Variants in GSK3B observed in about 807,000 individuals in gnomAD.
GSK3B encodes the protein glycogen synthase kinase-3 beta.
Under a neutral mutation model 56.4 loss-of-function variants are expected in GSK3B, and 15 were observed. That is an observed-to-expected ratio of 0.27 (90% CI 0.18 to 0.41). GSK3B has a LOEUF of 0.41. GSK3B is among the 10% of genes least tolerant of loss of function. The pLI is 1.00. For synonymous variants in GSK3B, 181 were observed against 188.9 expected (o/e 0.96, Z 0.34); for missense variants, 300 against 513.4 (o/e 0.58, Z 4.02).
rs2055805424 is a variant in GSK3B, at chr3:119,843,303, G to A, written c.1147C>T (p.Arg383Trp). The A allele has an allele frequency of 1.9e-6, 3 of 1,611,010 alleles. No individual in the cohort carries two copies. The highest frequency in any genetic ancestry group is 2.5e-6 in the Non-Finnish European group (3 of 1,177,862). Residue 383 changes from arginine (R) to tryptophan (W), a missense_variant, in exon 10 of 11, where the codon CGG becomes TGG. Arg to Trp is a moderately radical substitution (Grantham distance 101). Coordinates refer to ENST00000264235, the MANE Select transcript of GSK3B (RefSeq NM_001146156.2). ...GGGGTTGAAGCAGCTGCTTGAATCC[G>A]AGCATGAGGAGGAATAAGGATGGTA... Reference protein sequence around the residue: ...LATILIPPHARIQAAASTPTN... With the variant: ...LATILIPPHAWIQAAASTPTN...
chr3:120,046,684 C>T (rs945850988), intron 1 of GSK3B, among the ~76,000 whole-genome samples: 5 of 152,208 alleles, frequency 3.3e-5, no homozygotes, highest in Admixed American at 2.6e-4. Context: ...TCTTGGCTCA[C>T]TGCAACCTCT....
chr3:119,929,529 A>G (rs912115486), intron 3 of GSK3B, among the ~76,000 whole-genome samples: 1 of 152,184 alleles, frequency 6.6e-6, no homozygotes, highest in Non-Finnish European at 1.5e-5. Context: ...GCACTGTAGG[A>G]GGCCAAGGCA....
intron 4 of GSK3B, among the ~76,000 whole-genome samples, chr3:119,922,509 T>C (rs1461283083): frequency 6.8e-6 from 1 of 148,114 alleles, no homozygotes; most frequent in Non-Finnish European, 1.5e-5. Flanking sequence ...ACAAAAGTGC[T>C]TGAAGAACTT....
At chr3:119,864,608 C>A (rs926282770) in intron 8 of GSK3B, among the ~76,000 whole-genome samples, 1 of 152,156 alleles carries the variant, frequency 6.6e-6, no homozygotes, top group Non-Finnish European at 1.5e-5. Context: ...TGGAGGGAAA[C>A]GGACCCACAA....
At chr3:119,986,836 T>C (rs900807165) in intron 2 of GSK3B, among the ~76,000 whole-genome samples, 3 of 152,218 alleles carry the variant, frequency 2.0e-5, no homozygotes, top group African/African-American at 4.8e-5. Context: ...TTACTGGGTA[T>C]ATACCCAAAG....
chr3:119,976,273 A>G (rs767558342), intron 2 of GSK3B, among the ~76,000 whole-genome samples: 2 of 152,234 alleles, frequency 1.3e-5, no homozygotes, highest in Non-Finnish European at 2.9e-5. Flanking sequence ...AACTTGACAC[A>G]AATATTCATA....
intron 7 of GSK3B, among the ~76,000 whole-genome samples, chr3:119,898,869 C>T (rs555987287): frequency 6.6e-6 from 1 of 152,158 alleles, no homozygotes. Flanking sequence ...AAATGATATA[C>T]TGTAAAGTTC....
intron 4 of GSK3B, among the ~76,000 whole-genome samples, chr3:119,920,749 G>C (rs947356637): frequency 6.6e-6 from 1 of 152,134 alleles, no homozygotes. Flanking sequence ...TTCAATGTAA[G>C]AGAAAGGAAA....
intron 2 of GSK3B, among the ~76,000 whole-genome samples, chr3:119,968,098 T>C (rs571709529): frequency 6.6e-6 from 1 of 152,224 alleles, no homozygotes; most frequent in African/African-American, 2.4e-5. Context: ...CCTGTGATCC[T>C]CCCACCTGGG....
chr3:119,860,054 T>C (rs1445247125), intron 9 of GSK3B, among the ~76,000 whole-genome samples: 1 of 152,242 alleles, frequency 6.6e-6, no homozygotes, highest in Non-Finnish European at 1.5e-5. Context: ...GGACAATGTT[T>C]ACTAAATAAC....
intron 7 of GSK3B, among the ~76,000 whole-genome samples, chr3:119,883,289 T>C: frequency 6.6e-6 from 1 of 152,112 alleles, no homozygotes; most frequent in South Asian, 2.1e-4. Flanking sequence ...CTGAAGAATA[T>C]TTTATTATGA....
At position 119,931,460 on chromosome 3, in the gene GSK3B, A is replaced by G. The variant is rs1406643331; in HGVS notation, c.367-7977T>C. Among the ~76,000 whole-genome samples the G allele has an allele frequency of 4.6e-5, 7 of 152,198 alleles. No individual in the cohort carries two copies. The East Asian group carries it at 1.4e-3, about 29-fold the overall frequency. On this transcript the variant is annotated intron_variant, in intron 3 of 10. Transcript: ENST00000264235. ...GCGAAACCCTGTCTCTACCAAAAATACAAAAGTTAGCCAGGCGTGGTGGCA... is the reference window on the plus strand; with the variant it reads ...GCGAAACCCTGTCTCTACCAAAAATGCAAAAGTTAGCCAGGCGTGGTGGCA...
At chr3:119,909,223 C>T (rs999285173) in intron 6 of GSK3B, among the ~76,000 whole-genome samples, 1 of 152,132 alleles carries the variant, frequency 6.6e-6, no homozygotes, top group African/African-American at 2.4e-5. Context: ...GTTGCCCAGG[C>T]TGGTCTCGAA....
intron 2 of GSK3B, among the ~76,000 whole-genome samples, chr3:119,985,581 A>G (rs2057507955): frequency 1.3e-5 from 2 of 152,204 alleles, no homozygotes; most frequent in Non-Finnish European, 2.9e-5. Context: ...ACTCCCATTC[A>G]CAATTGCTAC....
chr3:119,933,008 G>C (rs1460683590), intron 3 of GSK3B, among the ~76,000 whole-genome samples: 1 of 152,174 alleles, frequency 6.6e-6, no homozygotes, highest in Non-Finnish European at 1.5e-5. Context: ...TGAGGCAGGA[G>C]AATTGCTTGA....
At chr3:119,996,959 C>T (rs144048814) in intron 2 of GSK3B, among the ~76,000 whole-genome samples, 10 of 151,896 alleles carry the variant, frequency 6.6e-5, no homozygotes, top group East Asian at 1.9e-4. Flanking sequence ...AAAGCAAAAC[C>T]GACTGAATAT....
chr3:119,918,461 T>TTC (rs921272566), intron 4 of GSK3B, among the ~76,000 whole-genome samples: 1 of 151,362 alleles, frequency 6.6e-6, no homozygotes, highest in Non-Finnish European at 1.5e-5. Flanking sequence ...CAGAGCGGAA[T>TTC]TCTCTCTCTC....
Position 119,824,137 on chromosome 3 carries a change from T to G in GSK3B, c.*2651A>C, listed in dbSNP as rs1164578200. 1 of 201,564 alleles carries G rather than the reference T, an allele frequency of 5.0e-6. No individual in the cohort carries two copies. Among genetic ancestry groups the G allele is most frequent in the Non-Finnish European group, 1.0e-5 (1 of 97,892 alleles). The allele number at this position is 201,564 out of a possible 1,614,324, so 12.5% of individuals were successfully genotyped here. A position where few individuals can be genotyped will look rare whatever the true frequency, so the allele number is the denominator to read the frequency against. On this transcript the variant is annotated 3_prime_UTR_variant, in exon 11 of 11. Coordinates refer to ENST00000264235, the MANE Select transcript of GSK3B (RefSeq NM_001146156.2). ...ATTAATAACAGTTCCTGGGTCCACATATTTACATACAAAACAATAAAACTT... is the reference window on the plus strand; with the variant it reads ...ATTAATAACAGTTCCTGGGTCCACAGATTTACATACAAAACAATAAAACTT...
intron 3 of GSK3B, among the ~76,000 whole-genome samples, chr3:119,935,659 T>C (rs2056987088): frequency 6.6e-6 from 1 of 152,208 alleles, no homozygotes; most frequent in African/African-American, 2.4e-5. Flanking sequence ...TTTATCTAAA[T>C]AGTTCCTATT....
Sources: allele counts gnomAD v4.1 joint callset (sites outside exome capture counted in the v4.1 genomes callset), GRCh38; gene constraint gnomAD v4.1.1; transcripts MANE v1.5; gene names NCBI Gene and HGNC (gene_info 2026-07-23, HGNC 2026-07-21).